Variants in SIPA1L3 observed in about 807,000 individuals in gnomAD.
SIPA1L3 encodes signal induced proliferation associated 1 like 3, also known as signal-induced proliferation-associated 1-like protein 3.
Under a neutral mutation model 150.1 loss-of-function variants are expected in SIPA1L3, and 59 were observed. The observed-to-expected ratio is 0.39, with a 90% CI of 0.32 to 0.49. The LOEUF (loss-of-function observed/expected upper bound fraction) is 0.49. Ranked by LOEUF, SIPA1L3 falls within the 20% of genes least tolerant of loss-of-function variation. SIPA1L3 has a pLI of 0.86. For missense variants in SIPA1L3, 2,211 were observed against 2,489.5 expected, an observed-to-expected ratio of 0.89 and a Z score of 2.38; for synonymous variants, 1,070 against 1,077.6, an observed-to-expected ratio of 0.99 and a Z score of 0.14.
chr19:37,967,515 G>C (rs1293800046), intron 1 of SIPA1L3, among the ~76,000 whole-genome samples: 1 of 152,054 alleles, frequency 6.6e-6, no homozygotes, highest in Non-Finnish European at 1.5e-5. Flanking sequence ...TGCTCCCAAA[G>C]TGCTGGGATT....
intron 18 of SIPA1L3, 137 bp from the exon 19 acceptor site, chr19:38,198,252 C>G: frequency 9.8e-7 from 1 of 1,016,592 alleles, no homozygotes; most frequent in Non-Finnish European, 1.4e-6. Flanking sequence ...TAGGCTCCAG[C>G]ACTCCCAGAC....
At chr19:38,083,223 G>C in intron 3 of SIPA1L3, 124 bp downstream of exon 3, 1 of 1,046,394 alleles carries the variant, frequency 9.6e-7, no homozygotes. Context: ...CGGGAACAGA[G>C]ACCTCCCTTC....
chr19:38,031,336 T>C (rs1181265065), intron 2 of SIPA1L3, among the ~76,000 whole-genome samples: 1 of 152,190 alleles, frequency 6.6e-6, no homozygotes, highest in African/African-American at 2.4e-5. Flanking sequence ...CGGATGTCCT[T>C]TTTTCTTCCA....
At chr19:38,123,965 C>CA in intron 9 of SIPA1L3, among the ~76,000 whole-genome samples, 1 of 119,466 alleles carries the variant, frequency 8.4e-6, no homozygotes, top group Non-Finnish European at 1.8e-5. Flanking sequence ...GCTGGCCGGG[C>CA]GGGGGGCCAA....
chr19:38,102,285 TCTGC>T (rs1264089201), intron 6 of SIPA1L3, among the ~76,000 whole-genome samples: 2 of 133,574 alleles, frequency 1.5e-5, no homozygotes, highest in Non-Finnish European at 3.3e-5. Flanking sequence ...GACCTCGTGA[TCTGC>T]CCACCTCGGC....
chr19:38,013,908 T>G (rs912693594), intron 1 of SIPA1L3, among the ~76,000 whole-genome samples: 2 of 152,238 alleles, frequency 1.3e-5, no homozygotes, highest in Non-Finnish European at 2.9e-5. Context: ...GCGATGTATT[T>G]AAGGGAAAGC....
chr19:38,006,650 A>G (rs1286016710), intron 1 of SIPA1L3, among the ~76,000 whole-genome samples: 1 of 152,168 alleles, frequency 6.6e-6, no homozygotes, highest in Non-Finnish European at 1.5e-5. Flanking sequence ...GCGTGCGCAC[A>G]TGCTGTGGGC....
In SIPA1L3 at chr19:37,956,303, G is replaced by T. The variant is rs911961778; in HGVS notation, c.-379+48945G>T. Among the ~76,000 whole-genome samples the T allele has an allele frequency of 3.3e-5, 5 of 152,064 alleles. No homozygotes were observed. The East Asian group carries it at 9.6e-4, about 29-fold the overall frequency. On this transcript the variant is annotated intron_variant, in intron 1 of 21. Transcript: ENST00000222345. ...TTTTATGTGCTTATTGGCCATTCGTGTATCTTCTTTGGTGAAATATGTATT... is the reference window on the plus strand; with the variant it reads ...TTTTATGTGCTTATTGGCCATTCGTTTATCTTCTTTGGTGAAATATGTATT...
At chr19:37,920,310 T>C (rs2046448140) in intron 1 of SIPA1L3, among the ~76,000 whole-genome samples, 1 of 151,692 alleles carries the variant, frequency 6.6e-6, no homozygotes, top group African/African-American at 2.4e-5. Flanking sequence ...CTTCCCTTTT[T>C]CCTCCCAAAG....
intron 17 of SIPA1L3, among the ~76,000 whole-genome samples, chr19:38,192,742 A>G (rs1972832309): frequency 6.6e-6 from 1 of 152,054 alleles, no homozygotes; most frequent in African/African-American, 2.4e-5. Context: ...CACAGCATCC[A>G]CTTCCCTTCC....
chr19:37,972,560 C>T (rs956467281), intron 1 of SIPA1L3, among the ~76,000 whole-genome samples: 2 of 151,948 alleles, frequency 1.3e-5, no homozygotes, highest in Admixed American at 1.3e-4. Flanking sequence ...AAAACTTAGC[C>T]GGGCATGGTG....
intron 1 of SIPA1L3, among the ~76,000 whole-genome samples, chr19:37,954,760 A>G (rs2046794626): frequency 6.6e-6 from 1 of 152,082 alleles, no homozygotes; most frequent in Non-Finnish European, 1.5e-5. Flanking sequence ...GTGTGTATAT[A>G]TACACACGTG....
chr19:38,049,215 A>G (rs1440945975), intron 2 of SIPA1L3, among the ~76,000 whole-genome samples: 2 of 152,068 alleles, frequency 1.3e-5, no homozygotes, highest in Admixed American at 1.3e-4. Flanking sequence ...TTCCATCTTC[A>G]TCCTCTATAG....
chr19:37,970,303 G>A (rs1173712067), intron 1 of SIPA1L3, among the ~76,000 whole-genome samples: 1 of 152,192 alleles, frequency 6.6e-6, no homozygotes, highest in African/African-American at 2.4e-5. Context: ...GGGGCCAGTG[G>A]AGATGGTATA....
chr19:38,129,043 G>A lies in SIPA1L3; in HGVS notation c.2869-1455G>A, dbSNP rs777110682. On this transcript the variant is annotated intron_variant, in intron 9 of 21. Transcript: ENST00000222345. ...AGCCATTCCGTTATCTTTCCATAAC[G>A]CAGTTTTAGGAAAGGGCAGGCATTC... Among the ~76,000 whole-genome samples the A allele has an allele frequency of 2.6e-5, 4 of 152,234 alleles. No homozygotes were observed. In the East Asian group the frequency reaches 7.7e-4, roughly 29 times the overall value.
At chr19:38,091,627 G>T (rs933089695) in intron 4 of SIPA1L3, among the ~76,000 whole-genome samples, 7 of 152,158 alleles carry the variant, frequency 4.6e-5, no homozygotes, top group African/African-American at 9.6e-5. Context: ...GCAGGGCAGG[G>T]TGCCTGCCTG....
intron 18 of SIPA1L3, among the ~76,000 whole-genome samples, chr19:38,197,441 G>A (rs189325253): frequency 4.6e-5 from 7 of 152,176 alleles, no homozygotes; most frequent in Admixed American, 4.6e-4. Flanking sequence ...AGATGTCACA[G>A]GCCTCTCCTC....
intron 1 of SIPA1L3, among the ~76,000 whole-genome samples, chr19:37,935,785 T>G (rs2046595137): frequency 6.6e-6 from 1 of 152,190 alleles, no homozygotes; most frequent in Admixed American, 6.5e-5. Context: ...GGCATAGATT[T>G]AGAACTGGCT....
chr19:37,962,463 C>CTTTTTTTTTTTTTTTTTTTTTTTT (rs71177491), intron 1 of SIPA1L3, among the ~76,000 whole-genome samples: 3 of 73,102 alleles, frequency 4.1e-5, no homozygotes, highest in African/African-American at 2.1e-4. Flanking sequence ...TGCAGCCGGC[C>CTTTTTTTTTTTTTTTTTTTTTTTT]TTTTTTTTTT....
Sources: gnomAD v4.1 joint callset for allele counts (sites outside exome capture counted in the v4.1 genomes callset) on GRCh38, gnomAD v4.1.1 for gene constraint, MANE v1.5 for transcripts, NCBI Gene and HGNC (gene_info 2026-07-23, HGNC 2026-07-21) for gene names.